CALCR: variants seen among roughly 807,000 people sequenced by gnomAD.
CALCR encodes calcitonin receptor.
In CALCR, 47 loss-of-function variants were observed where a neutral mutation model predicts 59.5. The ratio of observed to expected loss-of-function variants is 0.79; its 90% CI spans 0.63 to 1.01. CALCR has a LOEUF of 1.01. CALCR is among the 50% of genes least tolerant of loss of function. The probability of loss-of-function intolerance (pLI) is 0.00; values close to 1 mark genes in which losing one functional copy is unlikely to be tolerated. For missense variants in CALCR, 566 were observed against 597.1 expected, an observed-to-expected ratio of 0.95 and a Z score of 0.54; for synonymous variants, 213 against 211.3, an observed-to-expected ratio of 1.01 and a Z score of -0.07.
chr7:93,492,792 T>C lies in CALCR; in HGVS notation c.-26-5785A>G, dbSNP rs1472671604. On this transcript the variant is annotated intron_variant, in intron 2 of 13. Coordinates refer to ENST00000426151, the MANE Select transcript of CALCR (RefSeq NM_001742.4). ...ATAAGATGGTTATATAATTTTTGAT[T>C]GGGGGATCAGGGAGGGAATTATATT... Among the ~76,000 whole-genome samples, 7 of 151,306 alleles carry C rather than the reference T, an allele frequency of 4.6e-5. No homozygotes were observed. The Admixed American group carries it at 4.6e-4, about 10-fold the overall frequency.
At chr7:93,444,499 TA>T (rs1349960696) in intron 8 of CALCR, among the ~76,000 whole-genome samples, 1 of 152,120 alleles carries the variant, frequency 6.6e-6, no homozygotes, top group Non-Finnish European at 1.5e-5. Flanking sequence ...CTTGGTACAT[TA>T]GCATTTTGGA....
In CALCR at chr7:93,456,129, T is replaced by C. The variant is rs1361688148; in HGVS notation, c.648+4692A>G. ...CCTAGTTTATTTCCTCTGGGTGAAG[T>C]GTATGCTTCACAATCTACAGACATG... On this transcript the variant is annotated intron_variant, in intron 8 of 13. Coordinates refer to ENST00000426151, the MANE Select transcript of CALCR (RefSeq NM_001742.4). Among the ~76,000 whole-genome samples the C allele has an allele frequency of 2.6e-5, 4 of 152,162 alleles. No homozygotes were observed. In the East Asian group the frequency reaches 7.7e-4, roughly 29 times the overall value.
Position 93,452,813 on chromosome 7 carries a change from C to T in CALCR, c.648+8008G>A, listed in dbSNP as rs142101484. On this transcript the variant is annotated intron_variant, in intron 8 of 13. Coordinates refer to ENST00000426151, the MANE Select transcript of CALCR (RefSeq NM_001742.4). ...AGGGCAAACAGAAGTGTAGGCTCTA[C>T]ACAATTCTGATTAAAAAACAAAACA... Among the ~76,000 whole-genome samples, 5 of 151,328 alleles carry T rather than the reference C, an allele frequency of 3.3e-5. No homozygotes were observed. In the East Asian group the frequency reaches 9.9e-4, roughly 30 times the overall value.
chr7:93,514,605 T>A (rs990785603), intron 2 of CALCR, among the ~76,000 whole-genome samples: 4 of 152,126 alleles, frequency 2.6e-5, no homozygotes, highest in Admixed American at 1.3e-4. Flanking sequence ...TAAGGTAATT[T>A]AATTTCTTAT....
chr7:93,426,250 C>A lies in CALCR; in HGVS notation c.*106G>T. On this transcript the variant is annotated 3_prime_UTR_variant, in exon 14 of 14. Transcript: ENST00000426151. ...GACAAATTCACTGAATAATTCTTCA[C>A]AAATGATATGTTCGGTTCCTGGGAG... The A allele has an allele frequency of 1.4e-6, 1 of 701,652 alleles. No homozygotes were observed. The highest frequency in any genetic ancestry group is 2.6e-6 in the Non-Finnish European group (1 of 391,574). The allele number at this position is 701,652 out of a possible 1,614,324, so 43.5% of individuals were successfully genotyped here. A position where few individuals can be genotyped will look rare whatever the true frequency, so the allele number is the denominator to read the frequency against.
rs769598645 is a variant in CALCR, at chr7:93,479,495, T to C, written c.64A>G (p.Ile22Val). Residue 22 changes from isoleucine to valine, a missense_variant, in exon 4 of 14, where the codon ATT becomes GTT. Ile to Val is a conservative substitution (Grantham distance 29). Coordinates refer to ENST00000426151, the MANE Select transcript of CALCR (RefSeq NM_001742.4). ...GTTTGATTTGAAAAGGCAGGAAGAA[T>C]TGGGGTTGGGTGCTGTATTAAAAAG... is the stretch of plus-strand genomic sequence containing the variant. ...LFLLLNHPTP[I>V]LPAFSNQTYP... 6 of 1,612,166 alleles carry C rather than the reference T, an allele frequency of 3.7e-6. No individual in the cohort carries two copies. The Admixed American group carries it at 5.0e-5, about 13-fold the overall frequency.
intron 8 of CALCR, among the ~76,000 whole-genome samples, chr7:93,444,011 C>T (rs1363170517): frequency 2.6e-5 from 4 of 152,116 alleles, no homozygotes; most frequent in African/African-American, 7.2e-5. Flanking sequence ...TTGCATTCTG[C>T]GGACTTACAC....
At chr7:93,494,993 C>G (rs1032271129) in intron 2 of CALCR, among the ~76,000 whole-genome samples, 6 of 151,306 alleles carry the variant, frequency 4.0e-5, no homozygotes, top group African/African-American at 1.5e-4. Flanking sequence ...GGGGTGGAAT[C>G]TAGAGACTGA....
At chr7:93,517,628 T>A (rs924685551) in intron 2 of CALCR, among the ~76,000 whole-genome samples, 1 of 151,934 alleles carries the variant, frequency 6.6e-6, no homozygotes, top group South Asian at 2.1e-4. Flanking sequence ...TATTCTTACA[T>A]TGAAGCTATC....
At chr7:93,498,453 T>A (rs543080738) in intron 2 of CALCR, among the ~76,000 whole-genome samples, 1 of 151,812 alleles carries the variant, frequency 6.6e-6, no homozygotes, top group Admixed American at 6.6e-5. Flanking sequence ...TTAAAACTAA[T>A]TTAAGAAAAA....
Position 93,515,697 on chromosome 7 carries a change from C to T in CALCR, c.-26-28690G>A, listed in dbSNP as rs1205093380. Among the ~76,000 whole-genome samples, 5 of 152,040 alleles carry T rather than the reference C, an allele frequency of 3.3e-5. No individual in the cohort carries two copies. In the East Asian group the frequency reaches 5.8e-4, roughly 18 times the overall value. ...GCTGTCAGCCAGAAGGCAGTCATGA[C>T]AAAGCTGTCTGTCCTTTCTTACCAA... On this transcript the variant is annotated intron_variant, in intron 2 of 13. Coordinates refer to ENST00000426151, the MANE Select transcript of CALCR (RefSeq NM_001742.4).
chr7:93,462,722 A>G (rs1800361427), intron 7 of CALCR, among the ~76,000 whole-genome samples: 1 of 152,042 alleles, frequency 6.6e-6, no homozygotes, highest in African/African-American at 2.4e-5. Context: ...GGAGTGTTCA[A>G]TAATCTGCTG....
At chr7:93,454,916 T>TTTGTG (rs1393217396) in intron 8 of CALCR, among the ~76,000 whole-genome samples, 142 of 145,010 alleles carry the variant, frequency 9.8e-4, no homozygotes, top group South Asian at 4.4e-3. Flanking sequence ...ACAGGGCATT[T>TTTGTG]TGTGTGTGTG....
intron 8 of CALCR, among the ~76,000 whole-genome samples, chr7:93,459,333 C>T (rs558342843): frequency 1.6e-4 from 24 of 152,284 alleles, no homozygotes; most frequent in Admixed American, 5.2e-4. Context: ...GCCTGCTCCC[C>T]GCTCCAATCA....
chr7:93,460,613 G>A (rs1471424651), intron 8 of CALCR, among the ~76,000 whole-genome samples: 4 of 95,946 alleles, frequency 4.2e-5, no homozygotes, highest in African/African-American at 1.8e-4. Context: ...ATATATATAT[G>A]GTTTGTTGTA....
chr7:93,525,415 T>C (rs575352759), intron 2 of CALCR, among the ~76,000 whole-genome samples: 1 of 152,316 alleles, frequency 6.6e-6, no homozygotes, highest in East Asian at 1.9e-4. Flanking sequence ...CTCAGTACTA[T>C]GTTCAAACTA....
chr7:93,438,321 T>A, intron 9 of CALCR, 51 bp from the exon 10 acceptor site: 3 of 1,340,110 alleles, frequency 2.2e-6, no homozygotes, highest in Non-Finnish European at 3.2e-6. Context: ...TCATAACCTT[T>A]AAGTACAGCT....
At chr7:93,436,602 A>G (rs1251533263) in intron 11 of CALCR, among the ~76,000 whole-genome samples, 5 of 152,088 alleles carry the variant, frequency 3.3e-5, no homozygotes, top group African/African-American at 4.8e-5. Flanking sequence ...TTGTCTTTTC[A>G]GTCTTTAAAT....
intron 2 of CALCR, among the ~76,000 whole-genome samples, chr7:93,515,348 C>T (rs935482021): frequency 2.6e-5 from 4 of 151,984 alleles, no homozygotes; most frequent in African/African-American, 9.7e-5. Context: ...CAGTTGCTAT[C>T]TCCCTGACTC....
Sources: gnomAD v4.1 joint callset for allele counts (sites outside exome capture counted in the v4.1 genomes callset) on GRCh38, gnomAD v4.1.1 for gene constraint, MANE v1.5 for transcripts, NCBI Gene and HGNC (gene_info 2026-07-23, HGNC 2026-07-21) for gene names.